TLN2: variants seen among roughly 807,000 people sequenced by gnomAD.
TLN2 encodes the protein talin-2.
In TLN2, 118 loss-of-function variants were observed where a neutral mutation model predicts 294.7. The observed-to-expected ratio is 0.40, with a 90% CI of 0.34 to 0.47. The LOEUF (loss-of-function observed/expected upper bound fraction) is 0.47. Among genes scored for constraint, TLN2 ranks in the 20% least tolerant of loss-of-function variants. The pLI is 0.84. For synonymous variants in TLN2, 1,431 were observed against 1,304.5 expected (o/e 1.10, Z -2.09); for missense variants, 3,083 against 3,282.2 (o/e 0.94, Z 1.48).
intron 1 of TLN2, among the ~76,000 whole-genome samples, chr15:62,471,102 T>C (rs1410160325): frequency 6.6e-6 from 1 of 152,098 alleles, no homozygotes; most frequent in African/African-American, 2.4e-5. Flanking sequence ...CCCAGCACTT[T>C]GGGAGGCTGA....
chr15:62,694,900 A>G (rs1281556112), intron 14 of TLN2, among the ~76,000 whole-genome samples: 1 of 152,188 alleles, frequency 6.6e-6, no homozygotes, highest in African/African-American at 2.4e-5. Flanking sequence ...TCTCTGTTTC[A>G]CTGTGTGGCC....
chr15:62,723,538 C>CCT (rs2060268144), intron 26 of TLN2, among the ~76,000 whole-genome samples: 1 of 107,220 alleles, frequency 9.3e-6, no homozygotes, highest in East Asian at 3.1e-4. Flanking sequence ...ACTGTGAAAA[C>CCT]TTTTTTTTTT....
At chr15:62,780,371 A>G (rs985807339) in intron 43 of TLN2, among the ~76,000 whole-genome samples, 3 of 152,126 alleles carry the variant, frequency 2.0e-5, no homozygotes, top group African/African-American at 7.2e-5. Context: ...GACCAGGTGT[A>G]GTGTTGATTT....
At position 62,428,769 on chromosome 15, in the gene TLN2, G is replaced by A. The variant is rs548143294; in HGVS notation, c.-238+38084G>A. Among the ~76,000 whole-genome samples, 15 of 152,336 alleles carry A rather than the reference G, an allele frequency of 9.8e-5. No individual in the cohort carries two copies. In the East Asian group the frequency reaches 2.7e-3, roughly 27 times the overall value. The stretch of plus-strand genomic sequence containing the variant: ...AAAAGTATACTGATGCATGTGCCAG[G>A]TGTCATACGTCGTGTGTTAAAGTGT... On this transcript the variant is annotated intron_variant, in intron 1 of 58. Transcript: ENST00000636159.
At chr15:62,699,999 A>T (rs1350006083) in intron 16 of TLN2, among the ~76,000 whole-genome samples, 1 of 152,200 alleles carries the variant, frequency 6.6e-6, no homozygotes, top group Non-Finnish European at 1.5e-5. Context: ...TCCTGCCAGG[A>T]TAACTGCCCT....
intron 51 of TLN2, among the ~76,000 whole-genome samples, chr15:62,808,166 G>A (rs1419902973): frequency 6.6e-6 from 1 of 152,174 alleles, no homozygotes; most frequent in Non-Finnish European, 1.5e-5. Context: ...CTTAGGCAGA[G>A]AGAAAGACTT....
At chr15:62,733,454 G>A (rs2060839094) in intron 28 of TLN2, among the ~76,000 whole-genome samples, 1 of 152,176 alleles carries the variant, frequency 6.6e-6, no homozygotes, top group Admixed American at 6.5e-5. Flanking sequence ...AGCTGCCACT[G>A]GGCTGTATTC....
intron 1 of TLN2, among the ~76,000 whole-genome samples, chr15:62,511,443 A>T (rs1006482342): frequency 6.6e-6 from 1 of 152,162 alleles, no homozygotes; most frequent in African/African-American, 2.4e-5. Context: ...TGGATTTCAC[A>T]TTCTATCCCA....
intron 1 of TLN2, among the ~76,000 whole-genome samples, chr15:62,500,581 A>G (rs1046412672): frequency 1.3e-5 from 2 of 152,194 alleles, no homozygotes; most frequent in African/African-American, 4.8e-5. Context: ...GTGTCTAGAC[A>G]AAGCCAGGCT....
chr15:62,769,231 C>G (rs188817592), intron 41 of TLN2, among the ~76,000 whole-genome samples: 1 of 152,350 alleles, frequency 6.6e-6, no homozygotes, highest in Non-Finnish European at 1.5e-5. Context: ...AAGGACCACC[C>G]TAAGCCCTCT....
chr15:62,720,792 A>G (rs1241394688), intron 25 of TLN2, among the ~76,000 whole-genome samples: 1 of 151,944 alleles, frequency 6.6e-6, no homozygotes, highest in Non-Finnish European at 1.5e-5. Context: ...TATACTCTTC[A>G]TTTAACTTTT....
At chr15:62,791,286 G>A (rs548042865) in intron 45 of TLN2, among the ~76,000 whole-genome samples, 21 of 152,030 alleles carry the variant, frequency 1.4e-4, no homozygotes, top group Non-Finnish European at 2.6e-4. Context: ...CCTGGGAGGC[G>A]GAGATTGCAG....
chr15:62,503,031 A>G (rs956137603), intron 1 of TLN2, among the ~76,000 whole-genome samples: 2 of 152,158 alleles, frequency 1.3e-5, no homozygotes. Context: ...TTCCAAGGCC[A>G]GGTGATTTGT....
At chr15:62,755,057 T>G (rs2062155953) in intron 36 of TLN2, 2 of 153,268 alleles carry the variant, frequency 1.3e-5, no homozygotes, top group Admixed American at 6.5e-5. Flanking sequence ...ATAAAAAGAT[T>G]GTAAAATCTC....
At chr15:62,561,615 C>T (rs903082672) in intron 1 of TLN2, 3 of 152,254 alleles carry the variant, frequency 2.0e-5, no homozygotes, top group African/African-American at 4.8e-5. Context: ...TTTCCAAGCA[C>T]TAATGAGCCA....
intron 24 of TLN2, among the ~76,000 whole-genome samples, chr15:62,718,774 C>T (rs2059942803): frequency 6.6e-6 from 1 of 152,182 alleles, no homozygotes; most frequent in South Asian, 2.1e-4. Flanking sequence ...GAAGCATGTG[C>T]TGCTCACATG....
Position 62,397,206 on chromosome 15 carries a change from G to A in TLN2, c.-238+6521G>A, listed in dbSNP as rs182862599. On this transcript the variant is annotated intron_variant, in intron 1 of 58. Transcript: ENST00000636159. The stretch of plus-strand genomic sequence containing the variant: ...TTGATAGAATGATGAGTTTTTGCCA[G>A]TTGCAGCTAAAGCCAGCCTTTCAAA... Among the ~76,000 whole-genome samples the A allele has an allele frequency of 3.5e-3, 537 of 152,274 alleles. 2 individuals are homozygous for A. Among genetic ancestry groups the A allele is most frequent in the Middle Eastern group, 0.01 (3 of 294 alleles).
chr15:62,390,551 T>G lies in TLN2; in HGVS notation c.-372T>G, dbSNP rs908505773. The G allele has an allele frequency of 1.3e-5, 2 of 151,852 alleles. No individual in the cohort carries two copies. The highest frequency in any genetic ancestry group is 2.9e-5 in the Non-Finnish European group (2 of 67,926). 9.4% of individuals were successfully genotyped at this position (151,852 alleles called of 1,614,324 possible). On this transcript the variant is annotated 5_prime_UTR_variant, in exon 1 of 59. Transcript: ENST00000636159. ...CGCTCGCGCTCGCCCTCGGCTCTTG[T>G]TCCGCGCCCGGAGCCAGCGGCGGCG...
intron 52 of TLN2, 53 bp downstream of exon 52, chr15:62,810,085 C>A: frequency 6.9e-7 from 1 of 1,442,252 alleles, no homozygotes; most frequent in Non-Finnish European, 9.7e-7. Flanking sequence ...CTCTAGCTGT[C>A]CTGGCTGATT....
Sources: allele counts gnomAD v4.1 joint callset (sites outside exome capture counted in the v4.1 genomes callset), GRCh38; gene constraint gnomAD v4.1.1; transcripts MANE v1.5; gene names NCBI Gene and HGNC (gene_info 2026-07-23, HGNC 2026-07-21).